PTPRK: variants seen among roughly 807,000 people sequenced by gnomAD.
PTPRK encodes protein tyrosine phosphatase receptor type K, also known as receptor-type tyrosine-protein phosphatase kappa.
PTPRK carries 75 observed loss-of-function variants against 178.0 expected under a neutral mutation model. The observed-to-expected ratio is 0.42, with a 90% CI of 0.35 to 0.51. The LOEUF is 0.51. Among genes scored for constraint, PTPRK ranks in the 20% least tolerant of loss-of-function variants. PTPRK has a pLI of 0.02. For synonymous variants in PTPRK, 637 were observed against 620.6 expected, an observed-to-expected ratio of 1.03 and a Z score of -0.39; for missense variants, 1,441 against 1,797.8, an observed-to-expected ratio of 0.80 and a Z score of 3.59.
At chr6:128,398,059 C>A (rs547308492) in intron 1 of PTPRK, among the ~76,000 whole-genome samples, 4 of 152,176 alleles carry the variant, frequency 2.6e-5, no homozygotes, top group Non-Finnish European at 5.9e-5. Flanking sequence ...GGACAAAATC[C>A]ACACCAAAGC....
chr6:128,508,343 A>G (rs1856666265), intron 1 of PTPRK, among the ~76,000 whole-genome samples: 1 of 152,162 alleles, frequency 6.6e-6, no homozygotes, highest in African/African-American at 2.4e-5. Flanking sequence ...TGAAAGAATA[A>G]ATGAAAGGAT....
At position 127,973,123 on chromosome 6, in the gene PTPRK, T is replaced by C. The variant is rs774902832; in HGVS notation, c.4168A>G (p.Ile1390Val). ...TTCACCATTTCAACAACGATGCCTA[T>C]AGCACAGAACATGCCACTTCGCCCG... The part of the protein sequence containing the change: ...GGGRSGMFCA[I>V]GIVVEMVKRQ... Residue 1390 changes from isoleucine to valine, a missense_variant, in exon 29 of 30, where the codon ATA (isoleucine) becomes GTA (valine). Physicochemically the swap from Ile to Val is conservative, Grantham distance 29. Around this residue, in one of 4 missense-constraint regions of PTPRK, gnomAD observed 335 missense variants for 512.4 expected, o/e 0.65. Transcript: ENST00000368226. 5.0e-6 allele frequency: 8 copies of C among 1,613,828 alleles called. No individual in the cohort carries two copies. Among genetic ancestry groups the C allele is most frequent in the Admixed American group, 1.7e-5 (1 of 59,992 alleles).
At chr6:128,296,888 T>G (rs1031917709) in intron 3 of PTPRK, among the ~76,000 whole-genome samples, 23 of 152,086 alleles carry the variant, frequency 1.5e-4, no homozygotes, top group South Asian at 1.0e-3. Context: ...TAACTTTAAA[T>G]GTAAATGGAC....
chr6:128,119,443 C>G (rs1405178636), intron 7 of PTPRK, among the ~76,000 whole-genome samples: 1 of 151,946 alleles, frequency 6.6e-6, no homozygotes, highest in Non-Finnish European at 1.5e-5. Context: ...CTTGCTAAAA[C>G]ATATTTCACA....
intron 1 of PTPRK, among the ~76,000 whole-genome samples, chr6:128,454,091 A>C (rs1174413936): frequency 6.6e-6 from 1 of 152,088 alleles, no homozygotes; most frequent in African/African-American, 2.4e-5. Context: ...GAAGGGCAAA[A>C]CCTTTAGTTT....
chr6:128,332,343 C>T (rs1297473419), intron 2 of PTPRK, among the ~76,000 whole-genome samples: 1 of 152,170 alleles, frequency 6.6e-6, no homozygotes, highest in Non-Finnish European at 1.5e-5. Context: ...CCTTCCAGGA[C>T]TCCAATTTTC....
intron 7 of PTPRK, among the ~76,000 whole-genome samples, chr6:128,180,613 A>C (rs1801755344): frequency 6.6e-6 from 1 of 152,020 alleles, no homozygotes; most frequent in African/African-American, 2.4e-5. Context: ...AACAAACAAA[A>C]AGCTTTGGCA....
At chr6:128,000,504 C>T (rs997347147) in intron 15 of PTPRK, among the ~76,000 whole-genome samples, 1 of 152,000 alleles carries the variant, frequency 6.6e-6, no homozygotes, top group Non-Finnish European at 1.5e-5. Flanking sequence ...TGTGACCTAA[C>T]CACTCAAGTG....
At chr6:128,476,538 A>G (rs2128421272) in intron 1 of PTPRK, among the ~76,000 whole-genome samples, 1 of 152,184 alleles carries the variant, frequency 6.6e-6, no homozygotes, top group South Asian at 2.1e-4. Flanking sequence ...TCAGCTAAAC[A>G]TGAATCTTTA....
intron 6 of PTPRK, among the ~76,000 whole-genome samples, chr6:128,208,753 C>T (rs1807472188): frequency 6.6e-6 from 1 of 152,088 alleles, no homozygotes. Context: ...ATGCACTAAG[C>T]ACCTATTGTT....
chr6:128,480,082 C>T (rs936145001), intron 1 of PTPRK, among the ~76,000 whole-genome samples: 4 of 152,098 alleles, frequency 2.6e-5, no homozygotes, highest in African/African-American at 7.2e-5. Flanking sequence ...GCTGCCCCGA[C>T]TCCCACTCCA....
intron 1 of PTPRK, among the ~76,000 whole-genome samples, chr6:128,480,080 G>A (rs1003424145): frequency 4.6e-5 from 7 of 152,032 alleles, no homozygotes; most frequent in South Asian, 2.1e-4. Flanking sequence ...GTGCTGCCCC[G>A]ACTCCCACTC....
At chr6:128,125,811 T>C (rs1793269121) in intron 7 of PTPRK, among the ~76,000 whole-genome samples, 1 of 152,008 alleles carries the variant, frequency 6.6e-6, no homozygotes, top group Admixed American at 6.5e-5. Context: ...GGTTTCACCA[T>C]GCTGGCCAGG....
At chr6:128,276,428 T>C (rs1297347653) in intron 3 of PTPRK, among the ~76,000 whole-genome samples, 3 of 152,112 alleles carry the variant, frequency 2.0e-5, no homozygotes, top group African/African-American at 7.2e-5. Context: ...AAAGGATATA[T>C]TAACCACAAG....
In PTPRK at chr6:128,156,307, A is replaced by G. The variant is rs546772694; in HGVS notation, c.1162+28125T>C. Among the ~76,000 whole-genome samples, 202 of 152,080 alleles carry G rather than the reference A, an allele frequency of 1.3e-3. 1 individual carries two copies. Among genetic ancestry groups the G allele is most frequent in the African/African-American group, 4.4e-3 (184 of 41,528 alleles). Reference sequence around the variant, plus strand: ...CATAATACATACTAGGTATTTGTCCATTCTCACATTGCTATAAAGAACTAC... The same window carrying G: ...CATAATACATACTAGGTATTTGTCCGTTCTCACATTGCTATAAAGAACTAC... On this transcript the variant is annotated intron_variant, in intron 7 of 29. Coordinates refer to ENST00000368226, the MANE Select transcript of PTPRK (RefSeq NM_002844.4).
chr6:128,001,092 A>C, intron 15 of PTPRK: 1 of 828,980 alleles, frequency 1.2e-6, no homozygotes, highest in Non-Finnish European at 1.8e-6. Flanking sequence ...ACTAGTAGTG[A>C]GGGTACACGT....
intron 3 of PTPRK, among the ~76,000 whole-genome samples, chr6:128,242,826 T>G (rs1229546408): frequency 6.6e-6 from 1 of 152,212 alleles, no homozygotes; most frequent in East Asian, 1.9e-4. Context: ...CAGCTTAAAT[T>G]TTTTAAGCAG....
rs117463531 is a variant in PTPRK, at chr6:128,156,705, G to A, written c.1162+27727C>T. On this transcript the variant is annotated intron_variant, in intron 7 of 29. Transcript: ENST00000368226. ...TCATACTGGCAACAAAAAGATGAGA[G>A]GAATATACAATCGTTATTTAAGAAA... 9.0e-4 allele frequency among the ~76,000 whole-genome samples: 137 copies of A among 151,828 alleles called. 2 individuals carry two copies. The East Asian group carries it at 0.024, about 27-fold the overall frequency.
rs1777665584 is a variant in PTPRK, at chr6:128,000,300, T to C, written c.2495-1396A>G. On this transcript the variant is annotated intron_variant, in intron 15 of 29. Transcript: ENST00000368226. Reference sequence around the variant, plus strand: ...CAAATAGGATATAGCAAAAAATGAATTGTTGTCCCCATGATAAACATTTTT... The same window carrying C: ...CAAATAGGATATAGCAAAAAATGAACTGTTGTCCCCATGATAAACATTTTT... 4 of 1,303,426 alleles carry C rather than the reference T, an allele frequency of 3.1e-6. No homozygotes were observed. The African/African-American group carries it at 4.6e-5, about 15-fold the overall frequency. The allele number at this position is 1,303,426 out of a possible 1,614,324, so 80.7% of individuals were successfully genotyped here. A position where few individuals can be genotyped will look rare whatever the true frequency, so the allele number is the denominator to read the frequency against.
Sources: allele counts gnomAD v4.1 joint callset (sites outside exome capture counted in the v4.1 genomes callset), GRCh38; gene constraint gnomAD v4.1.1; regional missense constraint gnomAD v4.1.1; transcripts MANE v1.5; gene names NCBI Gene and HGNC (gene_info 2026-07-23, HGNC 2026-07-21).